EHF: variants seen among roughly 807,000 people sequenced by gnomAD.
The protein encoded by EHF is ETS homologous factor.
A neutral mutation model predicts 45.1 loss-of-function variants in EHF; 14 were observed. The ratio of observed to expected loss-of-function variants is 0.31; its 90% confidence interval spans 0.21 to 0.49. EHF has a LOEUF of 0.49. EHF is among the 20% of genes least tolerant of loss of function. EHF has a pLI of 0.99. For missense variants in EHF, 282 were observed against 371.4 expected (o/e 0.76, Z 1.98); for synonymous variants, 136 against 131.8 (o/e 1.03, Z -0.22).
Position 34,659,096 on chromosome 11 carries a change from A to G in EHF, c.*165A>G. 5.3e-6 allele frequency: 3 copies of G among 564,584 alleles called. No homozygotes were observed. The highest frequency in any genetic ancestry group is 9.1e-6 in the Non-Finnish European group (3 of 328,868). 35.0% of individuals were successfully genotyped at this position (564,584 alleles called of 1,614,324 possible). The stretch of plus-strand genomic sequence containing the variant: ...GAAGAAGAAACACTACGGTCGATTA[A>G]AAAAATTATTTTGTTACTTCGAAGT... On this transcript the variant is annotated 3_prime_UTR_variant, in exon 9 of 9. Coordinates refer to ENST00000257831, the MANE Select transcript of EHF (RefSeq NM_012153.6).
At chr11:34,653,715 T>G (rs1418648934) in intron 6 of EHF, among the ~76,000 whole-genome samples, 2 of 152,242 alleles carry the variant, frequency 1.3e-5, no homozygotes, top group African/African-American at 2.4e-5. Context: ...CAGAATAGTT[T>G]ATAGTCTCTA....
intron 2 of EHF, among the ~76,000 whole-genome samples, chr11:34,644,347 C>A (rs1302533027): frequency 6.6e-6 from 1 of 152,190 alleles, no homozygotes; most frequent in Non-Finnish European, 1.5e-5. Flanking sequence ...ATTTGTGAGG[C>A]ACCAAAAATT....
chr11:34,646,701 G>A lies in EHF; in HGVS notation c.343+17G>A, dbSNP rs560564869. ...AGTGGAACGGTGACTCTCTCTTTCT[G>A]TGTCTCTCCCTACCCTGCTAGGAGC... On this transcript the variant is annotated intron_variant, in intron 3 of 8. Coordinates refer to ENST00000257831, the MANE Select transcript of EHF (RefSeq NM_012153.6). The A allele has an allele frequency of 9.3e-6, 15 of 1,604,970 alleles. No homozygotes were observed. Among genetic ancestry groups the A allele is most frequent in the African/African-American group, 6.7e-5 (5 of 75,018 alleles).
In EHF at chr11:34,659,131, A is replaced by C; in HGVS notation, c.*200A>C. ...TTTGTTACTTCGAAGTATGTCCTAT[A>C]TGGGGAAAAAACGTACACAGTTTTC... On this transcript the variant is annotated 3_prime_UTR_variant, in exon 9 of 9. Transcript: ENST00000257831. 2.1e-6 allele frequency: 1 copy of C among 474,834 alleles called. No individual in the cohort carries two copies. The highest frequency in any genetic ancestry group is 3.7e-6 in the Non-Finnish European group (1 of 270,192). 29.4% of individuals were successfully genotyped at this position (474,834 alleles called of 1,614,324 possible).
At chr11:34,637,254 T>C (rs1853522394) in intron 1 of EHF, among the ~76,000 whole-genome samples, 1 of 152,118 alleles carries the variant, frequency 6.6e-6, no homozygotes, top group South Asian at 2.1e-4. Context: ...CTCCCCTTCA[T>C]GGGTCCAGGC....
chr11:34,625,399 G>A (rs1272599533), intron 1 of EHF, among the ~76,000 whole-genome samples: 1 of 152,170 alleles, frequency 6.6e-6, no homozygotes, highest in African/African-American at 2.4e-5. Context: ...AAAGCAGCCC[G>A]CCAGAAAATG....
chr11:34,626,189 A>G (rs925332647), intron 1 of EHF, among the ~76,000 whole-genome samples: 4 of 152,208 alleles, frequency 2.6e-5, no homozygotes, highest in African/African-American at 7.2e-5. Flanking sequence ...TCACAGAAGC[A>G]CAATAAATAA....
rs551173883 is a variant in EHF, at chr11:34,661,775, TCACCTGTGCTGAATGTC to T, written c.*2848_*2864del. Among the ~76,000 whole-genome samples, 83 of 152,232 alleles carry T rather than the reference TCACCTGTGCTGAATGTC, an allele frequency of 5.5e-4. 1 individual carries two copies. Among genetic ancestry groups the T allele is most frequent in the Admixed American group, 5.4e-3 (83 of 15,262 alleles). ...GACACATGGCTCTCACTTGAGAAGC[TCACCTGTGCTGAATGTC>T]CACATGGTCACTAAACATGTTATCC... On this transcript the variant is annotated 3_prime_UTR_variant, in exon 9 of 9. Transcript: ENST00000257831.
intron 1 of EHF, chr11:34,632,451 C>T (rs1390796383): frequency 6.7e-7 from 1 of 1,488,032 alleles, no homozygotes; most frequent in Non-Finnish European, 8.9e-7. Flanking sequence ...GAGAGACATT[C>T]AGCCATCCAG....
rs749478710 is a variant in EHF, at chr11:34,662,758, C to A, written c.*3827C>A. ...TAGTTAAGCAAACACTTGTTGAGTG[C>A]CTGCTATGTGCACGGCATGGGCCCA... is the stretch of plus-strand genomic sequence containing the variant. On this transcript the variant is annotated 3_prime_UTR_variant, in exon 9 of 9. Coordinates refer to ENST00000257831, the MANE Select transcript of EHF (RefSeq NM_012153.6). Among the ~76,000 whole-genome samples the A allele has an allele frequency of 6.6e-6, 1 of 152,012 alleles. No individual in the cohort carries two copies. Among genetic ancestry groups the A allele is most frequent in the African/African-American group, 2.4e-5 (1 of 41,406 alleles).
In EHF at chr11:34,651,606, A is replaced by C; in HGVS notation, c.471A>C (p.Thr157=). ...TATATGACACCAACTATGGTAGCACAGTAGGTAACTAACTCCCTGACACTT... is the reference window on the plus strand; with the variant it reads ...TATATGACACCAACTATGGTAGCACCGTAGGTAACTAACTCCCTGACACTT... The part of the protein sequence containing the change: ...NYLYDTNYGS[T]VDLLDSKTFC... The change falls in exon 5 of 9, where the codon ACA becomes ACC. Residue 157 remains threonine (T), a synonymous_variant. Transcript: ENST00000257831. 3 of 1,613,754 alleles carry C rather than the reference A, an allele frequency of 1.9e-6. No individual in the cohort carries two copies. Among genetic ancestry groups the C allele is most frequent in the Non-Finnish European group, 2.5e-6 (3 of 1,179,646 alleles).
chr11:34,654,351 G>C (rs193096214), intron 6 of EHF, among the ~76,000 whole-genome samples: 46 of 152,268 alleles, frequency 3.0e-4, no homozygotes, highest in Admixed American at 2.7e-3. Flanking sequence ...CAAAGGTCTT[G>C]ACTTTTATCC....
intron 2 of EHF, among the ~76,000 whole-genome samples, chr11:34,644,132 A>G (rs1232605852): frequency 2.0e-5 from 3 of 152,222 alleles, no homozygotes; most frequent in Non-Finnish European, 4.4e-5. Flanking sequence ...TGAACAAGAT[A>G]CACTAGCAGG....
intron 2 of EHF, among the ~76,000 whole-genome samples, chr11:34,644,914 C>T (rs957286201): frequency 6.6e-6 from 1 of 152,236 alleles, no homozygotes; most frequent in African/African-American, 2.4e-5. Context: ...TTGAGAAGAA[C>T]TGATCTGGCG....
intron 1 of EHF, among the ~76,000 whole-genome samples, chr11:34,629,925 C>T (rs1852719131): frequency 6.6e-6 from 1 of 152,094 alleles, no homozygotes; most frequent in Admixed American, 6.5e-5. Context: ...TGGCTTCAGA[C>T]AGCCAGTCCT....
Position 34,660,802 on chromosome 11 carries a change from A to T in EHF, c.*1871A>T, listed in dbSNP as rs1363559983. 1 of 152,186 alleles carries T rather than the reference A, an allele frequency of 6.6e-6. No homozygotes were observed. Among genetic ancestry groups the T allele is most frequent in the East Asian group, 1.9e-4 (1 of 5,196 alleles). 9.4% of individuals were successfully genotyped at this position (152,186 alleles called of 1,614,324 possible). A position where few individuals can be genotyped will look rare whatever the true frequency, so the allele number is the denominator to read the frequency against. On this transcript the variant is annotated 3_prime_UTR_variant, in exon 9 of 9. Coordinates refer to ENST00000257831, the MANE Select transcript of EHF (RefSeq NM_012153.6). The stretch of plus-strand genomic sequence containing the variant: ...CTAATAGAGCACCTACCACAGTGTC[A>T]TACCTGGTAGAGGTGAGCAATTCAT...
chr11:34,630,366 G>T (rs1229969823), intron 1 of EHF, among the ~76,000 whole-genome samples: 2 of 152,110 alleles, frequency 1.3e-5, no homozygotes, highest in African/African-American at 2.4e-5. Context: ...AACATTCAGG[G>T]TTATTGTGAG....
chr11:34,632,648 T>C, intron 1 of EHF: 1 of 1,535,594 alleles, frequency 6.5e-7, no homozygotes, highest in East Asian at 2.4e-5. Context: ...GAAATTCTTT[T>C]CAAGGTTGGT....
chr11:34,642,453 T>C (rs889666864), intron 1 of EHF, 175 bp from the exon 2 acceptor site: 13 of 528,740 alleles, frequency 2.5e-5, no homozygotes, highest in African/African-American at 3.8e-5. Flanking sequence ...ACCTGGAAAT[T>C]TTTAATTGCT....
Sources: gnomAD v4.1 joint callset for allele counts (sites outside exome capture counted in the v4.1 genomes callset) on GRCh38, gnomAD v4.1.1 for gene constraint, MANE v1.5 for transcripts, NCBI Gene and HGNC (gene_info 2026-07-23, HGNC 2026-07-21) for gene names.